Variants in RAD51B observed in about 807,000 individuals in gnomAD.
RAD51B encodes the protein RAD51 paralog B.
A neutral mutation model predicts 42.2 loss-of-function variants in RAD51B; 38 were observed. That is an observed-to-expected ratio of 0.90 (90% CI 0.70 to 1.18). The LOEUF is 1.18. Ranked by LOEUF, RAD51B falls within the 50% of genes most tolerant of loss-of-function variation. The pLI, the probability that RAD51B is intolerant of heterozygous loss-of-function variation, is 0.00. For missense variants in RAD51B, 373 were observed against 400.7 expected, an observed-to-expected ratio of 0.93 and a Z score of 0.59; for synonymous variants, 154 against 145.2, an observed-to-expected ratio of 1.06 and a Z score of -0.43.
chr14:68,262,213 G>C (rs767327492), intron 7 of RAD51B, among the ~76,000 whole-genome samples: 5 of 152,276 alleles, frequency 3.3e-5, no homozygotes, highest in Non-Finnish European at 4.4e-5. Flanking sequence ...GTGGAAAGAG[G>C]AGAAGGCATG....
chr14:68,431,554 A>G (rs1265489973), intron 9 of RAD51B, among the ~76,000 whole-genome samples: 1 of 152,200 alleles, frequency 6.6e-6, no homozygotes, highest in African/African-American at 2.4e-5. Context: ...TGTTTATAGT[A>G]TTCTCTGATG....
At chr14:68,326,411 C>T in intron 8 of RAD51B, among the ~76,000 whole-genome samples, 1 of 152,098 alleles carries the variant, frequency 6.6e-6, no homozygotes, top group Non-Finnish European at 1.5e-5. Flanking sequence ...CATCCTGGAC[C>T]CTCTTACTCA....
chr14:68,063,817 T>G (rs1412443667), intron 7 of RAD51B, among the ~76,000 whole-genome samples: 1 of 152,212 alleles, frequency 6.6e-6, no homozygotes, highest in Non-Finnish European at 1.5e-5. Flanking sequence ...TTATTATACA[T>G]TCCACCAGTT....
At chr14:68,544,217 A>T (rs1419089354) in intron 10 of RAD51B, among the ~76,000 whole-genome samples, 1 of 152,218 alleles carries the variant, frequency 6.6e-6, no homozygotes, top group African/African-American at 2.4e-5. Context: ...CATGAACCCC[A>T]GTGTTGAAGA....
chr14:67,967,294 A>G (rs1374988736), intron 7 of RAD51B, among the ~76,000 whole-genome samples: 1 of 152,136 alleles, frequency 6.6e-6, no homozygotes, highest in Non-Finnish European at 1.5e-5. Context: ...CAGAGAGCCA[A>G]ACCTCATTCA....
In RAD51B at chr14:68,171,578, G is replaced by C. The variant is rs529318891; in HGVS notation, c.757-120306G>C. ...GGCCTCCCAAAGTGCTGGGATTACA[G>C]GCATAAGAACCGCACCCAGCCTACA... On this transcript the variant is annotated intron_variant, in intron 7 of 10. Transcript: ENST00000471583. 1.4e-4 allele frequency among the ~76,000 whole-genome samples: 22 copies of C among 152,144 alleles called. 1 individual carries two copies. In the East Asian group the frequency reaches 3.5e-3, roughly 24 times the overall value.
At chr14:68,484,880 A>C (rs567408980) in intron 10 of RAD51B, among the ~76,000 whole-genome samples, 47 of 152,294 alleles carry the variant, frequency 3.1e-4, no homozygotes, top group Non-Finnish European at 5.9e-4. Flanking sequence ...TTATTTACTC[A>C]AAACTTCAGT....
intron 10 of RAD51B, chr14:68,562,521 C>T (rs1889207557): frequency 1.0e-6 from 1 of 985,300 alleles, no homozygotes; most frequent in South Asian, 4.7e-5. Flanking sequence ...CAGGGTGGAG[C>T]CAGCACCCAC....
rs1204817902 is a variant in RAD51B at position 68,136,575 on chromosome 14, CAAAAAAAAAAAAA to C, written c.757-155295_757-155283del. ...TGTGGTGACAAATGAGACTCCATCT[CAAAAAAAAAAAAA>C]AAAAAAAAAAAAAGAAGTAGACCAG... On this transcript the variant is annotated intron_variant, in intron 7 of 10. Transcript: ENST00000471583. 4.5e-4 allele frequency among the ~76,000 whole-genome samples: 2 copies of C among 4,450 alleles called. 1 individual carries two copies. Among genetic ancestry groups the C allele is most frequent in the African/African-American group, 7.1e-4 (2 of 2,832 alleles). 2.9% of individuals were successfully genotyped at this position (4,450 alleles called of 152,430 possible).
intron 7 of RAD51B, among the ~76,000 whole-genome samples, chr14:68,098,544 A>G (rs907910215): frequency 1.3e-5 from 2 of 152,214 alleles, no homozygotes; most frequent in African/African-American, 2.4e-5. Context: ...CACTTCTTAC[A>G]TGGCAGTGGC....
chr14:68,595,040 C>T, exon 11 of RAD51B: 1 of 1,074,710 alleles, frequency 9.3e-7, no homozygotes, highest in Non-Finnish European at 1.1e-6. Flanking sequence ...GCCCCAGTTT[C>T]TCCACTGAGT....
intron 7 of RAD51B, chr14:68,149,621 G>A (rs1240993870): frequency 6.6e-5 from 10 of 152,198 alleles, no homozygotes; most frequent in Admixed American, 6.5e-4. Context: ...TCATTTAAGA[G>A]ATGAGGTCCC....
chr14:68,677,088 C>G (rs1893322371), intron 11 of RAD51B, among the ~76,000 whole-genome samples: 1 of 152,148 alleles, frequency 6.6e-6, no homozygotes, highest in African/African-American at 2.4e-5. Flanking sequence ...AAAATTAAAG[C>G]TGGAAAATGA....
intron 7 of RAD51B, among the ~76,000 whole-genome samples, chr14:68,152,144 A>G (rs1217097104): frequency 2.0e-5 from 3 of 152,064 alleles, no homozygotes; most frequent in Non-Finnish European, 4.4e-5. Context: ...ATGCCCAGCC[A>G]TAAAGACTAT....
At chr14:67,941,023 G>A (rs1358914361) in intron 7 of RAD51B, among the ~76,000 whole-genome samples, 2 of 152,152 alleles carry the variant, frequency 1.3e-5, no homozygotes, top group Non-Finnish European at 2.9e-5. Flanking sequence ...CTGTGCACAT[G>A]ATGCAGTATT....
chr14:68,249,625 CT>C lies in RAD51B; in HGVS notation c.757-42257del, dbSNP rs2080576808. On this transcript the variant is annotated intron_variant, in intron 7 of 10. Transcript: ENST00000471583. The stretch of plus-strand genomic sequence containing the variant: ...ACTGGACTATAGTTTTACACACATA[CT>C]TACATCACACCCTCACCACTTTCCG... Among the ~76,000 whole-genome samples the C allele has an allele frequency of 3.3e-5, 5 of 152,314 alleles. 1 individual carries two copies. Among genetic ancestry groups the C allele is most frequent in the African/African-American group, 1.2e-4 (5 of 41,560 alleles).
At chr14:67,907,534 G>C (rs1260068069) in intron 7 of RAD51B, among the ~76,000 whole-genome samples, 2 of 152,100 alleles carry the variant, frequency 1.3e-5, no homozygotes, top group South Asian at 4.1e-4. Context: ...TCATATGAAA[G>C]CTTGTTCATG....
chr14:68,180,199 T>C (rs1048111529), intron 7 of RAD51B, among the ~76,000 whole-genome samples: 1 of 152,192 alleles, frequency 6.6e-6, no homozygotes, highest in African/African-American at 2.4e-5. Flanking sequence ...TTCTGAACCA[T>C]AGCCTACGTG....
chr14:68,317,451 A>G (rs1462598483), intron 8 of RAD51B, among the ~76,000 whole-genome samples: 1 of 151,420 alleles, frequency 6.6e-6, no homozygotes, highest in East Asian at 1.9e-4. Flanking sequence ...ATTCTGTGGT[A>G]AAGTGCCGTG....
Sources: gnomAD v4.1 joint callset for allele counts (sites outside exome capture counted in the v4.1 genomes callset) on GRCh38, gnomAD v4.1.1 for gene constraint, MANE v1.5 for transcripts, NCBI Gene and HGNC (gene_info 2026-07-23, HGNC 2026-07-21) for gene names.